GALNT14: variants seen among roughly 807,000 people sequenced by gnomAD.
The protein encoded by GALNT14 is polypeptide N-acetylgalactosaminyltransferase 14.
GALNT14 carries 60 observed loss-of-function variants against 77.5 expected under a neutral mutation model. The ratio of observed to expected loss-of-function variants is 0.77; its 90% CI spans 0.63 to 0.96. The LOEUF (loss-of-function observed/expected upper bound fraction) is 0.96. Ranked by LOEUF, GALNT14 falls within the 40% of genes least tolerant of loss-of-function variation. GALNT14 has a pLI of 0.00. For missense variants in GALNT14, 710 were observed against 731.0 expected (o/e 0.97, Z 0.33); for synonymous variants, 280 against 281.7 (o/e 0.99, Z 0.06).
At chr2:31,136,933 T>C (rs1444735776) in intron 1 of GALNT14, among the ~76,000 whole-genome samples, 2 of 152,156 alleles carry the variant, frequency 1.3e-5, no homozygotes, top group African/African-American at 4.8e-5. Flanking sequence ...CACATCTTCC[T>C]GTTTTTCAGT....
intron 1 of GALNT14, among the ~76,000 whole-genome samples, chr2:31,132,013 G>T: frequency 6.6e-6 from 1 of 152,182 alleles, no homozygotes; most frequent in South Asian, 2.1e-4. Flanking sequence ...AAACTATCAG[G>T]TCACTTTGGG....
chr2:31,118,507 T>C (rs1478720514), intron 1 of GALNT14, among the ~76,000 whole-genome samples: 1 of 151,924 alleles, frequency 6.6e-6, no homozygotes, highest in African/African-American at 2.4e-5. Flanking sequence ...GAAATATGAT[T>C]CAATCAAAAG....
At chr2:30,944,115 T>C (rs1008929274) in intron 8 of GALNT14, among the ~76,000 whole-genome samples, 1 of 152,186 alleles carries the variant, frequency 6.6e-6, no homozygotes, top group African/African-American at 2.4e-5. Flanking sequence ...GCAGGCTTGT[T>C]TTAGCTTAAG....
At chr2:31,047,202 G>A (rs1673521995) in intron 1 of GALNT14, among the ~76,000 whole-genome samples, 1 of 152,196 alleles carries the variant, frequency 6.6e-6, no homozygotes, top group Non-Finnish European at 1.5e-5. Flanking sequence ...GCTCCAGGAA[G>A]CCTCACCTGT....
intron 14 of GALNT14, among the ~76,000 whole-genome samples, chr2:30,911,318 G>T (rs1173710328): frequency 6.6e-6 from 1 of 152,098 alleles, no homozygotes; most frequent in African/African-American, 2.4e-5. Context: ...AACTTTCCAA[G>T]CAGTAGCCCA....
chr2:30,915,468 C>T (rs929805253), intron 13 of GALNT14, among the ~76,000 whole-genome samples: 2 of 152,122 alleles, frequency 1.3e-5, no homozygotes, highest in African/African-American at 4.8e-5. Flanking sequence ...GATGTCTGGC[C>T]ACATCTGAAA....
intron 2 of GALNT14, among the ~76,000 whole-genome samples, chr2:30,976,522 C>A (rs1387344094): frequency 1.3e-5 from 2 of 152,070 alleles, no homozygotes; most frequent in Non-Finnish European, 2.9e-5. Flanking sequence ...ATGGAGGCTG[C>A]AAAGAGGTTT....
At chr2:31,107,080 A>T (rs1402214108) in intron 1 of GALNT14, among the ~76,000 whole-genome samples, 1 of 152,230 alleles carries the variant, frequency 6.6e-6, no homozygotes, top group Non-Finnish European at 1.5e-5. Context: ...TATCTCAACA[A>T]ACATGTTAAG....
chr2:30,892,140 G>T, the GALNT14 span, among the ~76,000 whole-genome samples: 1 of 152,166 alleles, frequency 6.6e-6, no homozygotes, highest in Middle Eastern at 3.2e-3. Flanking sequence ...TTAGTGTCTT[G>T]TTCTTAGAAA....
rs1454419254 is a variant in GALNT14, at chr2:30,993,005, A to G, written c.132T>C (p.Pro44=). The change falls in exon 2 of 15, where the codon CCT becomes CCC. Residue 44 remains proline (P), a splice_region_variant and synonymous_variant. Coordinates refer to ENST00000349752, the MANE Select transcript of GALNT14 (RefSeq NM_024572.4). Reference sequence around the variant, plus strand: ...ACAGGTCGTCCCAGTCAGCGTCCGAAGGCTGCGTGACACGAATGGGAAGTC... The same window carrying G: ...ACAGGTCGTCCCAGTCAGCGTCCGAGGGCTGCGTGACACGAATGGGAAGTC... ...PTGPEVQTPK[P]SDADWDDLWD... is the part of the protein sequence containing the mutation. 2 of 1,613,956 alleles carry G rather than the reference A, an allele frequency of 1.2e-6. No individual in the cohort carries two copies. The highest frequency in any genetic ancestry group is 2.2e-5 in the East Asian group (1 of 44,850).
At chr2:31,121,206 C>T (rs1678395849) in intron 1 of GALNT14, among the ~76,000 whole-genome samples, 1 of 152,206 alleles carries the variant, frequency 6.6e-6, no homozygotes, top group Non-Finnish European at 1.5e-5. Context: ...AAGGCTTCAT[C>T]TGTAAGGAAT....
intron 2 of GALNT14, among the ~76,000 whole-genome samples, chr2:30,979,291 T>TG (rs1668838019): frequency 6.6e-6 from 1 of 150,454 alleles, no homozygotes; most frequent in African/African-American, 2.5e-5. Context: ...AAAATGGGAG[T>TG]GGGGGGAGAG....
chr2:31,110,336 G>A (rs1394009905), intron 1 of GALNT14, among the ~76,000 whole-genome samples: 2 of 152,160 alleles, frequency 1.3e-5, no homozygotes, highest in East Asian at 1.9e-4. Context: ...GACAATGAGT[G>A]ATTCCAAAGG....
At chr2:30,927,148 C>G (rs72853891) in intron 11 of GALNT14, among the ~76,000 whole-genome samples, 1 of 152,080 alleles carries the variant, frequency 6.6e-6, no homozygotes, top group Non-Finnish European at 1.5e-5. Context: ...CAAACTTGTC[C>G]CCATGTTAGA....
At chr2:30,962,516 G>A (rs1333578800) in intron 3 of GALNT14, among the ~76,000 whole-genome samples, 3 of 152,254 alleles carry the variant, frequency 2.0e-5, no homozygotes, top group Non-Finnish European at 4.4e-5. Context: ...ACAGCGCTGG[G>A]TCTCCCATAA....
chr2:31,037,097 T>G (rs973312703), intron 1 of GALNT14, among the ~76,000 whole-genome samples: 11 of 152,226 alleles, frequency 7.2e-5, no homozygotes, highest in Non-Finnish European at 1.5e-4. Context: ...CCTTCTGGCA[T>G]GCTTATTATG....
chr2:31,111,437 AG>A (rs1281855235), intron 1 of GALNT14, among the ~76,000 whole-genome samples: 15 of 152,256 alleles, frequency 9.9e-5, no homozygotes, highest in African/African-American at 3.4e-4. Flanking sequence ...AATCAACAAC[AG>A]GAAAGCCAAA....
chr2:31,138,393 T>TGCCGCCGCC lies in GALNT14; in HGVS notation c.-316_-308dup, dbSNP rs547052626. 77,739 of 340,624 alleles carry TGCCGCCGCC rather than the reference T, an allele frequency of 0.23. 11,332 individuals carry two copies. The highest frequency in any genetic ancestry group is 0.32 in the Admixed American group (6,109 of 19,340). The allele number at this position is 340,624 out of a possible 1,614,324, so 21.1% of individuals were successfully genotyped here. A position where few individuals can be genotyped will look rare whatever the true frequency, so the allele number is the denominator to read the frequency against. On this transcript the variant is annotated 5_prime_UTR_variant, in exon 1 of 15. Coordinates refer to ENST00000349752, the MANE Select transcript of GALNT14 (RefSeq NM_024572.4). The stretch of plus-strand genomic sequence containing the variant: ...ATGTTCCCCACGCCGCCACCGCGGC[T>TGCCGCCGCC]GCCGCCGCCGCCGCCGCCGCCTTGC...
intron 2 of GALNT14, among the ~76,000 whole-genome samples, chr2:30,978,852 C>T (rs1668806547): frequency 1.3e-5 from 2 of 152,168 alleles, no homozygotes; most frequent in Admixed American, 1.3e-4. Context: ...AGACAGTAAG[C>T]TGATGTCTGC....
Sources: allele counts gnomAD v4.1 joint callset (sites outside exome capture counted in the v4.1 genomes callset), GRCh38; gene constraint gnomAD v4.1.1; transcripts MANE v1.5; gene names NCBI Gene and HGNC (gene_info 2026-07-23, HGNC 2026-07-21).